The following PCDHGB2 variants were observed in gnomAD, a reference collection of about 807,000 sequenced individuals.
PCDHGB2 encodes protocadherin gamma-B2.
In PCDHGB2, 55 loss-of-function variants were observed where a neutral mutation model predicts 59.3. That is an observed-to-expected ratio of 0.93 (90% CI 0.75 to 1.16). The LOEUF (loss-of-function observed/expected upper bound fraction) is 1.16. Ranked by LOEUF, PCDHGB2 falls within the 50% of genes most tolerant of loss-of-function variation. The pLI is 0.00. For missense variants in PCDHGB2, 1,228 were observed against 1,198.5 expected (o/e 1.02, Z -0.36); for synonymous variants, 516 against 512.0 (o/e 1.01, Z -0.11).
intron 1 of PCDHGB2, among the ~76,000 whole-genome samples, chr5:141,451,365 G>C (rs557753113): frequency 2.0e-5 from 3 of 152,116 alleles, no homozygotes; most frequent in Non-Finnish European, 4.4e-5. Context: ...GGATGGATCC[G>C]CTTCTAATCT....
intron 1 of PCDHGB2, among the ~76,000 whole-genome samples, chr5:141,459,646 T>C (rs2098972004): frequency 6.6e-6 from 1 of 152,266 alleles, no homozygotes; most frequent in Non-Finnish European, 1.5e-5. Context: ...TTTTTCAAAA[T>C]GGTAATATCA....
At chr5:141,426,423 G>T in intron 1 of PCDHGB2, 1 of 290,954 alleles carries the variant, frequency 3.4e-6, no homozygotes, top group Non-Finnish European at 6.8e-6. Context: ...AGGGCTCCGT[G>T]GTGGGGAACC....
At chr5:141,397,277 C>A (rs920366365) in intron 1 of PCDHGB2, among the ~76,000 whole-genome samples, 1 of 151,970 alleles carries the variant, frequency 6.6e-6, no homozygotes. Flanking sequence ...ATCATATGGG[C>A]AGTATACTTG....
intron 1 of PCDHGB2, chr5:141,413,330 T>G (rs770842309): frequency 6.2e-7 from 1 of 1,613,812 alleles, no homozygotes; most frequent in Non-Finnish European, 8.5e-7. Context: ...GTGGGCAACA[T>G]CTCCAAGGAC....
At chr5:141,421,169 T>G in intron 1 of PCDHGB2, 2 of 1,340,600 alleles carry the variant, frequency 1.5e-6, no homozygotes, top group South Asian at 1.5e-5. Flanking sequence ...CATAGATACA[T>G]AAGCCGATTC....
rs150249178 is a variant in PCDHGB2 at position 141,432,742 on chromosome 5, C to A, written c.2422-62065C>A. 154 of 1,614,076 alleles carry A rather than the reference C, an allele frequency of 9.5e-5. No individual in the cohort carries two copies. In the Middle Eastern group the frequency reaches 1.3e-3, roughly 14 times the overall value. On this transcript the variant is annotated intron_variant, in intron 1 of 3. Transcript: ENST00000522605. This position sits in a 1 kb window ranked among gnomAD's most constrained non-coding sequence, Gnocchi z 6.0. ...CTCTCTCCGCCACTGTCACGCTCAC[C>A]GTGGCCGTGGCCGACAGCATCCCCC... is the stretch of plus-strand genomic sequence containing the variant.
Position 141,477,778 on chromosome 5 carries a change from C to T in PCDHGB2, c.2422-17029C>T, listed in dbSNP as rs866423908. On this transcript the variant is annotated intron_variant, in intron 1 of 3. Transcript: ENST00000522605. This position sits in a 1 kb window ranked among gnomAD's most constrained non-coding sequence, Gnocchi z 4.9. ...TCCTAGCCACCAACATCAGCGTGAA[C>T]ATATTTGTCACTGATCGCAATGACA... 2.5e-6 allele frequency: 4 copies of T among 1,614,052 alleles called. No homozygotes were observed. In the African/African-American group the frequency reaches 5.3e-5, roughly 22 times the overall value.
chr5:141,470,708 A>T (rs1293545270), intron 1 of PCDHGB2, among the ~76,000 whole-genome samples: 1 of 151,804 alleles, frequency 6.6e-6, no homozygotes. Flanking sequence ...TTTTTATTTT[A>T]TTTTTTTGAG....
At chr5:141,387,369 G>A (rs2090919487) in intron 1 of PCDHGB2, among the ~76,000 whole-genome samples, 1 of 152,148 alleles carries the variant, frequency 6.6e-6, no homozygotes, top group African/African-American at 2.4e-5. Context: ...CTGTGTTATG[G>A]CTATCTTTAT....
intron 1 of PCDHGB2, among the ~76,000 whole-genome samples, chr5:141,464,155 C>T (rs2099076990): frequency 1.3e-5 from 2 of 151,614 alleles, no homozygotes; most frequent in African/African-American, 4.8e-5. Flanking sequence ...GTCCCAGCTA[C>T]TTGGAAGGCT....
Position 141,490,711 on chromosome 5 carries a change from T to C in PCDHGB2, c.2422-4096T>C. ...CACTGGGGATAATGCCCGCCTCACC[T>C]ACTCCATTGTAGGAAATCAGGTTCA... On this transcript the variant is annotated intron_variant, in intron 1 of 3. Transcript: ENST00000522605. The surrounding 1 kb of genome is among the most constrained non-coding windows in gnomAD (Gnocchi z 5.4). The C allele has an allele frequency of 6.2e-7, 1 of 1,614,200 alleles. No individual in the cohort carries two copies. Among genetic ancestry groups the C allele is most frequent in the Non-Finnish European group, 8.5e-7 (1 of 1,180,002 alleles).
At chr5:141,419,465 G>C (rs568864628) in intron 1 of PCDHGB2, 77 of 1,612,426 alleles carry the variant, frequency 4.8e-5, no homozygotes, top group Non-Finnish European at 6.4e-5. Context: ...GCAGGCCCGC[G>C]ACCAGGGCTC....
intron 1 of PCDHGB2, chr5:141,415,033 C>G (rs1207811183): frequency 1.2e-6 from 2 of 1,613,456 alleles, no homozygotes; most frequent in South Asian, 1.1e-5. Flanking sequence ...CGAGCCGGGA[C>G]TCTTCGCGGT....
At chr5:141,366,854 C>T (rs1018356495) in intron 1 of PCDHGB2, 3 of 1,453,352 alleles carry the variant, frequency 2.1e-6, no homozygotes, top group Non-Finnish European at 2.8e-6. Flanking sequence ...AATAGTGGAA[C>T]ATTATTTGCT....
At chr5:141,400,316 A>C in intron 1 of PCDHGB2, 1 of 1,614,042 alleles carries the variant, frequency 6.2e-7, no homozygotes. Flanking sequence ...CTCTGTGTCA[A>C]GTCTGGACCT....
chr5:141,360,126 G>A lies in PCDHGB2; in HGVS notation c.-10G>A. 6.3e-7 allele frequency: 1 copy of A among 1,585,250 alleles called. No individual in the cohort carries two copies. The highest frequency in any genetic ancestry group is 8.6e-7 in the Non-Finnish European group (1 of 1,163,642). ...CCTCCTATGGGCAAAGGAGCAAAGGGAGCCAGAAGATGAAAGCGAGCTCAG... is the reference window on the plus strand; with the variant it reads ...CCTCCTATGGGCAAAGGAGCAAAGGAAGCCAGAAGATGAAAGCGAGCTCAG... On this transcript the variant is annotated 5_prime_UTR_variant, in exon 1 of 4. Coordinates refer to ENST00000522605, the MANE Select transcript of PCDHGB2 (RefSeq NM_018923.3).
At chr5:141,501,290 TACACACACACACACACACACACACAC>T (rs55762287) in intron 2 of PCDHGB2, among the ~76,000 whole-genome samples, 1 of 136,164 alleles carries the variant, frequency 7.3e-6, no homozygotes, top group Non-Finnish European at 1.6e-5. Flanking sequence ...TATTCCCTTA[TACACACACACACACACACACACACAC>T]ACACACACAC....
intron 1 of PCDHGB2, chr5:141,417,070 G>A (rs1324168481): frequency 6.6e-6 from 1 of 151,864 alleles, no homozygotes; most frequent in Non-Finnish European, 1.5e-5. Flanking sequence ...TGTAGCTATT[G>A]TGAGAAAATA....
Position 141,361,044 on chromosome 5 carries a change from A to G in PCDHGB2, c.909A>G (p.Thr303=). The change falls in exon 1 of 4, where the codon ACA becomes ACG. Residue 303 remains threonine, a synonymous_variant. Transcript: ENST00000522605. ...NLNEKTGEIT[T]KDDLDFEIAS... is the part of the protein sequence containing the mutation. ...ATGAAAAAACAGGAGAAATCACGAC[A>G]AAGGATGATTTGGATTTTGAGATTG... is the stretch of plus-strand genomic sequence containing the variant. 1 of 1,613,658 alleles carries G rather than the reference A, an allele frequency of 6.2e-7. No homozygotes were observed. The highest frequency in any genetic ancestry group is 1.1e-5 in the South Asian group (1 of 91,022).
Sources: gnomAD v4.1 joint callset for allele counts (sites outside exome capture counted in the v4.1 genomes callset) on GRCh38, gnomAD v4.1.1 for gene constraint, Gnocchi (gnomAD v3.1) non-coding constraint, MANE v1.5 for transcripts, NCBI Gene and HGNC (gene_info 2026-07-23, HGNC 2026-07-21) for gene names.